GPR39: variants seen among roughly 807,000 people sequenced by gnomAD.
The protein encoded by GPR39 is G protein-coupled receptor 39, also known as zinc sensing receptor.
A neutral mutation model predicts 18.4 loss-of-function variants in GPR39; 23 were observed. The ratio of observed to expected loss-of-function variants is 1.25; its 90% CI spans 0.90 to 1.77. The LOEUF (loss-of-function observed/expected upper bound fraction) is 1.77. Ranked by LOEUF, GPR39 falls within the 40% of genes most tolerant of loss-of-function variation. The pLI is 0.00. For missense variants in GPR39, 647 were observed against 602.4 expected (o/e 1.07, Z -0.78); for synonymous variants, 280 against 257.9 (o/e 1.09, Z -0.82).
At chr2:132,447,715 A>T (rs4417767) in intron 1 of GPR39, among the ~76,000 whole-genome samples, 91 of 152,142 alleles carry the variant, frequency 6.0e-4, no homozygotes, top group Non-Finnish European at 2.5e-4. Context: ...GAATCCATTA[A>T]GTTTAGCAAC....
At chr2:132,586,850 A>T (rs901056142) in intron 1 of GPR39, among the ~76,000 whole-genome samples, 1 of 152,212 alleles carries the variant, frequency 6.6e-6, no homozygotes, top group Non-Finnish European at 1.5e-5. Flanking sequence ...AATGACTCTC[A>T]GCAATATCTC....
intron 1 of GPR39, among the ~76,000 whole-genome samples, chr2:132,431,651 CAGGTG>C (rs1448650986): frequency 1.3e-5 from 2 of 152,112 alleles, no homozygotes; most frequent in Admixed American, 1.3e-4. Context: ...CACCATACGC[CAGGTG>C]AGCCTTCCCC....
At chr2:132,462,716 A>G (rs1109172) in intron 1 of GPR39, among the ~76,000 whole-genome samples, 6,387 of 152,232 alleles carry the variant, frequency 0.042, 387 homozygotes, top group African/African-American at 0.14. Flanking sequence ...AGGCTCAGCC[A>G]CACACTAGCC....
chr2:132,581,571 T>C (rs935753171), intron 1 of GPR39, among the ~76,000 whole-genome samples: 2 of 152,146 alleles, frequency 1.3e-5, no homozygotes, highest in Non-Finnish European at 2.9e-5. Flanking sequence ...GAATCCAACA[T>C]GTGGGGCAGG....
chr2:132,624,186 C>T (rs1446297923), intron 1 of GPR39, among the ~76,000 whole-genome samples: 1 of 152,174 alleles, frequency 6.6e-6, no homozygotes, highest in Non-Finnish European at 1.5e-5. Flanking sequence ...CTCCTTGGCT[C>T]ACAGATGGCC....
chr2:132,425,647 A>G (rs1253703980), intron 1 of GPR39, among the ~76,000 whole-genome samples: 2 of 152,198 alleles, frequency 1.3e-5, no homozygotes, highest in Non-Finnish European at 2.9e-5. Flanking sequence ...TGTTGACCTT[A>G]AAATAGGGAG....
intron 1 of GPR39, among the ~76,000 whole-genome samples, chr2:132,512,326 A>G (rs1406646724): frequency 6.6e-6 from 1 of 152,142 alleles, no homozygotes; most frequent in African/African-American, 2.4e-5. Context: ...GTCATGGGGA[A>G]AGTTTAAGGG....
chr2:132,478,999 C>T (rs576547421), intron 1 of GPR39, among the ~76,000 whole-genome samples: 6 of 151,636 alleles, frequency 4.0e-5, no homozygotes, highest in South Asian at 2.1e-4. Flanking sequence ...TGAGTTTGGA[C>T]GACTAAAGCA....
chr2:132,481,052 C>T (rs1284331179), intron 1 of GPR39, among the ~76,000 whole-genome samples: 30 of 152,200 alleles, frequency 2.0e-4, no homozygotes, highest in Admixed American at 1.8e-3. Context: ...TGAAAAACAC[C>T]GTTTAAAAAT....
rs374734295 is a variant in GPR39, at chr2:132,614,188, G to T, written c.857-30913G>T. On this transcript the variant is annotated intron_variant, in intron 1 of 1. Transcript: ENST00000329321. ...GAGGAACTTGCTTGCTTTTTTTTTTGTTTTTGTTTTGTTTTGTTTTTGTTT... is the reference window on the plus strand; with the variant it reads ...GAGGAACTTGCTTGCTTTTTTTTTTTTTTTTGTTTTGTTTTGTTTTTGTTT... Among the ~76,000 whole-genome samples the T allele has an allele frequency of 3.9e-3, 526 of 134,492 alleles. 1 individual carries two copies. The highest frequency in any genetic ancestry group is 7.8e-3 in the Middle Eastern group (2 of 258). 88.2% of individuals were successfully genotyped at this position (134,492 alleles called of 152,430 possible).
At chr2:132,448,551 T>C (rs902373605) in intron 1 of GPR39, among the ~76,000 whole-genome samples, 2 of 152,334 alleles carry the variant, frequency 1.3e-5, no homozygotes, top group Non-Finnish European at 1.5e-5. Context: ...CCTTAACGGC[T>C]TTCTTAACAG....
intron 1 of GPR39, among the ~76,000 whole-genome samples, chr2:132,464,606 T>A (rs1208309122): frequency 6.6e-6 from 1 of 152,162 alleles, no homozygotes; most frequent in East Asian, 1.9e-4. Flanking sequence ...GCTGCTGCAG[T>A]TTGTTGCTCA....
At chr2:132,449,298 A>G (rs1680593506) in intron 1 of GPR39, among the ~76,000 whole-genome samples, 1 of 151,920 alleles carries the variant, frequency 6.6e-6, no homozygotes, top group Admixed American at 6.6e-5. Flanking sequence ...CGCAGGCTGG[A>G]GTACAATGGC....
intron 1 of GPR39, among the ~76,000 whole-genome samples, chr2:132,617,880 G>A (rs1343953164): frequency 6.6e-6 from 1 of 152,160 alleles, no homozygotes; most frequent in African/African-American, 2.4e-5. Flanking sequence ...GTAATGAGAA[G>A]GAGATAATGG....
chr2:132,420,060 A>T (rs1200759663), intron 1 of GPR39, among the ~76,000 whole-genome samples: 2 of 152,128 alleles, frequency 1.3e-5, no homozygotes, highest in Non-Finnish European at 2.9e-5. Context: ...CCCATTAGTA[A>T]TTGTCTGGAA....
chr2:132,568,617 A>T (rs1336357116), intron 1 of GPR39, among the ~76,000 whole-genome samples: 3 of 151,954 alleles, frequency 2.0e-5, no homozygotes, highest in Non-Finnish European at 4.4e-5. Context: ...GAGGCAGGAG[A>T]ATGGCTGGAA....
chr2:132,513,755 G>A (rs1056376700), intron 1 of GPR39, among the ~76,000 whole-genome samples: 3 of 152,120 alleles, frequency 2.0e-5, no homozygotes, highest in Middle Eastern at 3.2e-3. Context: ...CTGGCCCCCC[G>A]AGTGGGAGTG....
chr2:132,436,507 G>A (rs752932498), intron 1 of GPR39, among the ~76,000 whole-genome samples: 11 of 152,066 alleles, frequency 7.2e-5, no homozygotes, highest in Non-Finnish European at 1.3e-4. Context: ...CATGTTCTCC[G>A]CATTTTGGCC....
chr2:132,476,123 C>T (rs1183154841), intron 1 of GPR39, among the ~76,000 whole-genome samples: 1 of 152,046 alleles, frequency 6.6e-6, no homozygotes, highest in Non-Finnish European at 1.5e-5. Flanking sequence ...AACACCTTAC[C>T]TTTCCACATT....
Sources: gnomAD v4.1 joint callset for allele counts (sites outside exome capture counted in the v4.1 genomes callset) on GRCh38, gnomAD v4.1.1 for gene constraint, MANE v1.5 for transcripts, NCBI Gene and HGNC (gene_info 2026-07-23, HGNC 2026-07-21) for gene names.